FSTL5: variants seen among roughly 807,000 people sequenced by gnomAD.
The protein encoded by FSTL5 is follistatin like 5.
Under a neutral mutation model 89.1 loss-of-function variants are expected in FSTL5, and 62 were observed. That is an observed-to-expected ratio of 0.70 (90% CI 0.57 to 0.86). The LOEUF (loss-of-function observed/expected upper bound fraction) is 0.86. FSTL5 is among the 40% of genes least tolerant of loss of function. The pLI is 0.00. For missense variants in FSTL5, 1,057 were observed against 1,001.6 expected (o/e 1.06, Z -0.75); for synonymous variants, 383 against 346.2 (o/e 1.11, Z -1.18).
intron 6 of FSTL5, among the ~76,000 whole-genome samples, chr4:161,657,291 G>A (rs940107408): frequency 3.3e-5 from 5 of 152,158 alleles, no homozygotes; most frequent in African/African-American, 1.2e-4. Flanking sequence ...TGCCAATTCT[G>A]CATCCATGTA....
At chr4:162,019,770 C>CTGTGTG (rs10610828) in intron 3 of FSTL5, among the ~76,000 whole-genome samples, 5 of 148,122 alleles carry the variant, frequency 3.4e-5, no homozygotes, top group African/African-American at 1.2e-4. Context: ...CTCTCTTTCT[C>CTGTGTG]TGTGTGTGTG....
At chr4:161,934,573 G>A (rs1017952855) in intron 3 of FSTL5, among the ~76,000 whole-genome samples, 4 of 151,912 alleles carry the variant, frequency 2.6e-5, no homozygotes, top group Non-Finnish European at 5.9e-5. Context: ...TTTGAAACCT[G>A]GTTCCATCAG....
At chr4:161,861,740 G>T (rs1355234351) in intron 4 of FSTL5, among the ~76,000 whole-genome samples, 5 of 152,156 alleles carry the variant, frequency 3.3e-5, no homozygotes. Flanking sequence ...TTTGGAAGCC[G>T]CTTTTTCACT....
chr4:161,678,358 C>T (rs1737394548), intron 6 of FSTL5, among the ~76,000 whole-genome samples: 2 of 151,720 alleles, frequency 1.3e-5, no homozygotes, highest in Admixed American at 1.3e-4. Flanking sequence ...ATTTTTTTGA[C>T]ATTTTTGCTT....
At chr4:161,599,599 T>C (rs1240654151) in intron 7 of FSTL5, among the ~76,000 whole-genome samples, 1 of 152,122 alleles carries the variant, frequency 6.6e-6, no homozygotes, top group Non-Finnish European at 1.5e-5. Flanking sequence ...AAAACCACTA[T>C]TCCAAGTGTT....
chr4:161,663,443 A>T (rs1324583604), intron 6 of FSTL5, among the ~76,000 whole-genome samples: 3 of 152,148 alleles, frequency 2.0e-5, no homozygotes, highest in Non-Finnish European at 4.4e-5. Context: ...CATGGCCCAT[A>T]AAAGTCCAAA....
chr4:161,826,381 C>A (rs777719693), intron 4 of FSTL5, among the ~76,000 whole-genome samples: 10 of 152,086 alleles, frequency 6.6e-5, no homozygotes, highest in Admixed American at 1.3e-4. Flanking sequence ...CTATAAATAT[C>A]TATTAAGTCT....
At chr4:162,030,523 T>C (rs1305067477) in intron 3 of FSTL5, among the ~76,000 whole-genome samples, 2 of 151,762 alleles carry the variant, frequency 1.3e-5, no homozygotes, top group African/African-American at 4.8e-5. Flanking sequence ...AAGGCAAGAG[T>C]GTCCACTTGA....
chr4:162,048,216 A>G (rs967433150), intron 2 of FSTL5, among the ~76,000 whole-genome samples: 7 of 149,676 alleles, frequency 4.7e-5, no homozygotes, highest in Non-Finnish European at 8.9e-5. Context: ...ATTCTCAGCT[A>G]CTGGGGAGGC....
At chr4:162,126,811 G>A (rs1732098158) in intron 1 of FSTL5, among the ~76,000 whole-genome samples, 1 of 152,132 alleles carries the variant, frequency 6.6e-6, no homozygotes, top group African/African-American at 2.4e-5. Context: ...ATGCACTTAT[G>A]TATTTACTTG....
At chr4:161,660,014 T>C (rs918771519) in intron 6 of FSTL5, among the ~76,000 whole-genome samples, 1 of 152,182 alleles carries the variant, frequency 6.6e-6, no homozygotes, top group Admixed American at 6.5e-5. Flanking sequence ...GGTAAAAACA[T>C]ATAGGCTAAG....
At chr4:162,109,137 G>A (rs980545831) in intron 2 of FSTL5, among the ~76,000 whole-genome samples, 2 of 152,032 alleles carry the variant, frequency 1.3e-5, no homozygotes, top group Admixed American at 6.6e-5. Context: ...ATGGGAATCA[G>A]TGGGAAAAGG....
intron 7 of FSTL5, among the ~76,000 whole-genome samples, chr4:161,598,960 TGAA>T (rs1294136767): frequency 1.3e-5 from 2 of 151,996 alleles, no homozygotes; most frequent in African/African-American, 4.8e-5. Flanking sequence ...AGAGACAAAA[TGAA>T]GAAATCATTT....
At chr4:162,078,580 A>G (rs1440591901) in intron 2 of FSTL5, among the ~76,000 whole-genome samples, 4 of 151,818 alleles carry the variant, frequency 2.6e-5, no homozygotes, top group Non-Finnish European at 5.9e-5. Context: ...TCATTACTAC[A>G]TTAATAAACT....
intron 7 of FSTL5, among the ~76,000 whole-genome samples, chr4:161,597,734 A>G (rs750597246): frequency 2.0e-5 from 3 of 152,114 alleles, no homozygotes; most frequent in Non-Finnish European, 4.4e-5. Flanking sequence ...CTTGTACAAT[A>G]TGTAGACCCA....
intron 2 of FSTL5, among the ~76,000 whole-genome samples, chr4:162,083,352 T>C (rs1486836009): frequency 6.6e-6 from 1 of 151,806 alleles, no homozygotes; most frequent in Non-Finnish European, 1.5e-5. Flanking sequence ...TGCTATGCTC[T>C]AATTCTCACA....
At chr4:161,642,797 A>G (rs918508787) in intron 7 of FSTL5, among the ~76,000 whole-genome samples, 4 of 63,230 alleles carry the variant, frequency 6.3e-5, no homozygotes, top group South Asian at 1.1e-3. Context: ...AGTGGAGAGG[A>G]AGATAGAATG....
intron 15 of FSTL5, among the ~76,000 whole-genome samples, chr4:161,451,010 C>T (rs1733144795): frequency 6.6e-6 from 1 of 152,078 alleles, no homozygotes; most frequent in African/African-American, 2.4e-5. Flanking sequence ...TCCCAAAGTG[C>T]TGGGATTACA....
intron 3 of FSTL5, among the ~76,000 whole-genome samples, chr4:161,975,885 G>T (rs1735627190): frequency 6.6e-6 from 1 of 151,170 alleles, no homozygotes; most frequent in African/African-American, 2.4e-5. Flanking sequence ...GGAGGCCGAG[G>T]CGGGCGGATC....
Sources: gnomAD v4.1 joint callset for allele counts (sites outside exome capture counted in the v4.1 genomes callset) on GRCh38, gnomAD v4.1.1 for gene constraint, MANE v1.5 for transcripts, NCBI Gene and HGNC (gene_info 2026-07-23, HGNC 2026-07-21) for gene names.